ALK: variants seen among roughly 807,000 people sequenced by gnomAD.
ALK encodes ALK tyrosine kinase receptor.
A neutral mutation model predicts 163.1 loss-of-function variants in ALK; 74 were observed. The observed-to-expected ratio is 0.45, with a 90% CI of 0.38 to 0.55. ALK has a LOEUF of 0.55. Among genes scored for constraint, ALK ranks in the 20% least tolerant of loss-of-function variants. The pLI, the probability that ALK is intolerant of heterozygous loss-of-function variation, is 0.00. For synonymous variants in ALK, 960 were observed against 843.2 expected (o/e 1.14, Z -2.40); for missense variants, 2,063 against 2,105.3 (o/e 0.98, Z 0.39).
chr2:29,864,398 G>A (rs1463822003), intron 1 of ALK, among the ~76,000 whole-genome samples: 2 of 152,142 alleles, frequency 1.3e-5, no homozygotes, highest in Non-Finnish European at 2.9e-5. Context: ...TTCCTAAGTA[G>A]GCCCTTTCTC....
intron 1 of ALK, among the ~76,000 whole-genome samples, chr2:29,781,062 A>C (rs114944161): frequency 2.0e-3 from 302 of 152,300 alleles, no homozygotes; most frequent in Non-Finnish European, 3.6e-3. Context: ...ATATGTCTGG[A>C]AGCTTCCAAG....
rs146273120 is a variant in ALK at position 29,807,609 on chromosome 2, T to C, written c.668-89912A>G. ...TACAAGTGTTAGGTGGGAGTTCAAA[T>C]AAATGCCAGCTTCATACAAGCCAGT... On this transcript the variant is annotated intron_variant, in intron 1 of 28. Transcript: ENST00000389048. Among the ~76,000 whole-genome samples, 261 of 152,294 alleles carry C rather than the reference T, an allele frequency of 1.7e-3. 2 individuals carry two copies. The highest frequency in any genetic ancestry group is 6.1e-3 in the African/African-American group (253 of 41,556).
intron 1 of ALK, among the ~76,000 whole-genome samples, chr2:29,748,808 C>G (rs932108834): frequency 6.6e-6 from 1 of 151,918 alleles, no homozygotes; most frequent in Non-Finnish European, 1.5e-5. Context: ...TGCAGTGGCA[C>G]GATCAAGGCT....
chr2:29,290,319 G>A (rs947338020), intron 9 of ALK, among the ~76,000 whole-genome samples: 4 of 152,328 alleles, frequency 2.6e-5, no homozygotes, highest in Admixed American at 6.5e-5. Flanking sequence ...CTGGAAGGGG[G>A]CACAGGGCTG....
intron 1 of ALK, among the ~76,000 whole-genome samples, chr2:29,761,132 C>A (rs749649166): frequency 6.6e-6 from 1 of 152,120 alleles, no homozygotes; most frequent in Non-Finnish European, 1.5e-5. Flanking sequence ...GTTGACGTGG[C>A]CTTAGTAGCC....
intron 5 of ALK, among the ~76,000 whole-genome samples, chr2:29,370,048 G>T (rs1005935360): frequency 6.6e-6 from 1 of 152,188 alleles, no homozygotes; most frequent in Admixed American, 6.5e-5. Context: ...GCATGAGTTT[G>T]TGTCCGTGCA....
At chr2:29,728,375 C>T (rs949553552) in intron 1 of ALK, among the ~76,000 whole-genome samples, 2 of 152,220 alleles carry the variant, frequency 1.3e-5, no homozygotes, top group African/African-American at 4.8e-5. Context: ...TGAGTATCTC[C>T]TATGTGCCGA....
rs1445337518 is a variant in ALK, at chr2:29,324,060, A to G, written c.1415-3178T>C. ...GAGGCTCCCCTAGTGACTCCTGTGC[A>G]CCTTAAATCTGGAGAAGCACTGTTC... On this transcript the variant is annotated intron_variant, in intron 6 of 28. Coordinates refer to ENST00000389048, the MANE Select transcript of ALK (RefSeq NM_004304.5). Among the ~76,000 whole-genome samples, 3 of 152,176 alleles carry G rather than the reference A, an allele frequency of 2.0e-5. No homozygotes were observed. In the South Asian group the frequency reaches 6.2e-4, roughly 32 times the overall value.
chr2:29,555,255 G>A (rs1049907670), intron 3 of ALK, among the ~76,000 whole-genome samples: 10 of 151,974 alleles, frequency 6.6e-5, no homozygotes, highest in African/African-American at 2.4e-4. Context: ...ATTCCCCATA[G>A]TCCCCACAAT....
intron 3 of ALK, among the ~76,000 whole-genome samples, chr2:29,568,829 G>A (rs1573463248): frequency 6.6e-6 from 1 of 152,312 alleles, no homozygotes; most frequent in East Asian, 1.9e-4. Context: ...AGTGGGACTA[G>A]GTGGAAAAAC....
chr2:29,557,155 AAGCAAATGCAAC>A lies in ALK; in HGVS notation c.953-25051_953-25040del, dbSNP rs1158279395. On this transcript the variant is annotated intron_variant, in intron 3 of 28. Transcript: ENST00000389048. The stretch of plus-strand genomic sequence containing the variant: ...TCACTGACTGACTGATAGATGAAAA[AAGCAAATGCAAC>A]AATTTTTAATGGAAAAAATAAAAGA... Among the ~76,000 whole-genome samples, 22 of 152,336 alleles carry A rather than the reference AAGCAAATGCAAC, an allele frequency of 1.4e-4. No individual in the cohort carries two copies. In the South Asian group the frequency reaches 4.3e-3, roughly 30 times the overall value.
At chr2:29,905,063 G>T (rs1355364978) in intron 1 of ALK, among the ~76,000 whole-genome samples, 1 of 152,168 alleles carries the variant, frequency 6.6e-6, no homozygotes, top group African/African-American at 2.4e-5. Flanking sequence ...AGGACATGTG[G>T]GTTGTGGGTC....
chr2:29,470,582 T>C (rs766087042), intron 4 of ALK, among the ~76,000 whole-genome samples: 3 of 152,090 alleles, frequency 2.0e-5, no homozygotes, highest in Non-Finnish European at 4.4e-5. Context: ...GTGATGTCTT[T>C]AAAGTGCTAG....
At chr2:29,552,400 G>T (rs1373036471) in intron 3 of ALK, among the ~76,000 whole-genome samples, 1 of 152,138 alleles carries the variant, frequency 6.6e-6, no homozygotes, top group East Asian at 1.9e-4. Context: ...ATACTTCTAT[G>T]TCTAACCCTG....
intron 4 of ALK, among the ~76,000 whole-genome samples, chr2:29,400,050 C>T (rs1028743904): frequency 2.0e-5 from 3 of 152,096 alleles, no homozygotes; most frequent in East Asian, 1.9e-4. Context: ...GACTTGGCTC[C>T]GTGTATGTTT....
chr2:29,345,400 G>C (rs531331142), intron 5 of ALK, among the ~76,000 whole-genome samples: 71 of 151,442 alleles, frequency 4.7e-4, no homozygotes, highest in Non-Finnish European at 7.7e-4. Context: ...CTGAGTGTGA[G>C]ACCCTGTCTT....
At chr2:29,253,655 C>T (rs901145620) in intron 11 of ALK, among the ~76,000 whole-genome samples, 3 of 151,984 alleles carry the variant, frequency 2.0e-5, no homozygotes, top group African/African-American at 7.2e-5. Context: ...AAAATAAAAC[C>T]CCAGAAAAGA....
chr2:29,301,755 C>T (rs1268557729), intron 8 of ALK, among the ~76,000 whole-genome samples: 1 of 152,226 alleles, frequency 6.6e-6, no homozygotes, highest in Admixed American at 6.5e-5. Context: ...CAGGGGCCAG[C>T]CAGCAGCTGA....
At chr2:29,537,465 A>AC (rs1382812968) in intron 3 of ALK, among the ~76,000 whole-genome samples, 1 of 152,236 alleles carries the variant, frequency 6.6e-6, no homozygotes, top group Non-Finnish European at 1.5e-5. Context: ...TATTCAGCCT[A>AC]CAGACACACA....
Sources: gnomAD v4.1 joint callset for allele counts (sites outside exome capture counted in the v4.1 genomes callset) on GRCh38, gnomAD v4.1.1 for gene constraint, MANE v1.5 for transcripts, NCBI Gene and HGNC (gene_info 2026-07-23, HGNC 2026-07-21) for gene names.